The following TMEM134 variants were observed in gnomAD, a reference collection of about 807,000 sequenced individuals.
TMEM134 encodes transmembrane protein 134.
In TMEM134, 36 loss-of-function variants were observed where a neutral mutation model predicts 26.2. The observed-to-expected ratio is 1.37, with a 90% CI of 1.05 to 1.81. The LOEUF (loss-of-function observed/expected upper bound fraction) is 1.81, where lower values mean the gene tolerates loss of function less well. TMEM134 is among the 40% of genes most tolerant of loss of function. The pLI is 0.00. For missense variants in TMEM134, 339 were observed against 263.5 expected (o/e 1.29, Z -1.98); for synonymous variants, 133 against 113.6 (o/e 1.17, Z -1.08).
rs988436372 is a variant in TMEM134 at position 67,463,695 on chromosome 11, C to T, written c.*919G>A. The T allele has an allele frequency of 6.6e-6, 1 of 152,096 alleles. No homozygotes were observed. Among genetic ancestry groups the T allele is most frequent in the African/African-American group, 2.4e-5 (1 of 41,404 alleles). 9.4% of individuals were successfully genotyped at this position (152,096 alleles called of 1,614,324 possible). A position where few individuals can be genotyped will look rare whatever the true frequency, so the allele number is the denominator to read the frequency against. The stretch of plus-strand genomic sequence containing the variant: ...GCTTGAGCCACCGTGCCCGGCCATC[C>T]TGGGGTCTTTCAACAAATTGATAAC... On this transcript the variant is annotated 3_prime_UTR_variant, in exon 7 of 7. Transcript: ENST00000308022.
chr11:67,465,181 A>G (rs1319813964), intron 4 of TMEM134, 81 bp from the exon 5 acceptor site: 1 of 1,534,666 alleles, frequency 6.5e-7, no homozygotes, highest in African/African-American at 1.4e-5. Context: ...CGGCTCACCC[A>G]CCACCTGAGC....
Position 67,462,216 on chromosome 11 carries a change from C to A in TMEM134, c.*2398G>T, listed in dbSNP as rs577637265. 1 of 150,826 alleles carries A rather than the reference C, an allele frequency of 6.6e-6. No homozygotes were observed. 9.3% of individuals were successfully genotyped at this position (150,826 alleles called of 1,614,324 possible). A position where few individuals can be genotyped will look rare whatever the true frequency, so the allele number is the denominator to read the frequency against. On this transcript the variant is annotated 3_prime_UTR_variant, in exon 7 of 7. Coordinates refer to ENST00000308022, the MANE Select transcript of TMEM134 (RefSeq NM_025124.4). Reference sequence around the variant, plus strand: ...ACAAGGAGTAAAAAGTTGTTAGCTGCGATTCTGTGTTAATTGCCTGTTTGT... The same window carrying A: ...ACAAGGAGTAAAAAGTTGTTAGCTGAGATTCTGTGTTAATTGCCTGTTTGT...
rs754993164 is a variant in TMEM134, at chr11:67,467,522, C to T, written c.308G>A (p.Arg103His). The T allele has an allele frequency of 8.7e-6, 14 of 1,613,850 alleles. No homozygotes were observed. In the Admixed American group the frequency reaches 1.0e-4, roughly 12 times the overall value. The change falls in exon 3 of 7, where the codon CGC becomes CAC. Residue 103 changes from arginine (R) to histidine (H), a missense_variant. By Grantham distance (29) the Arg-to-His change is conservative. Transcript: ENST00000308022. The part of the protein sequence containing the change: ...SFSTISSSTQ[R>H]SYNTCCSWTQ... ...TCACCTGCAGCAGGTGTTGTAGGAG[C>T]GCTGGGTGCTGCTGCTGATGGTGCT...
rs1157565586 is a variant in TMEM134 at position 67,467,292 on chromosome 11, C to T, written c.406+20G>A. 1.2e-6 allele frequency: 2 copies of T among 1,613,072 alleles called. No individual in the cohort carries two copies. The highest frequency in any genetic ancestry group is 1.7e-6 in the Non-Finnish European group (2 of 1,179,696). On this transcript the variant is annotated intron_variant, in intron 4 of 6. Transcript: ENST00000308022. ...CCTCCCACGGGGCCCCTCTTGACCC[C>T]AACCCTCAGGGCCACTCACCCAGCC...
rs1335691011 is a variant in TMEM134 at position 67,465,118 on chromosome 11, C to A, written c.407-18G>T. 7 of 1,567,410 alleles carry A rather than the reference C, an allele frequency of 4.5e-6. No homozygotes were observed. The highest frequency in any genetic ancestry group is 6.0e-6 in the Non-Finnish European group (7 of 1,162,138). On this transcript the variant is annotated intron_variant, in intron 4 of 6. Transcript: ENST00000308022. ...GATCAGCACTGCACACAGACGGAGC[C>A]GCGGGGGTGGGGGCAGGAGCAGTGG...
rs765123099 is a variant in TMEM134, at chr11:67,462,554, CCT to C, written c.*2058_*2059del. On this transcript the variant is annotated 3_prime_UTR_variant, in exon 7 of 7. Coordinates refer to ENST00000308022, the MANE Select transcript of TMEM134 (RefSeq NM_025124.4). ...ATTTTTAATAGAAATGGGATTTCAC[CCT>C]GTTGGCCAGGCTGGTCTCGAACTCC... 9 of 151,888 alleles carry C rather than the reference CCT, an allele frequency of 5.9e-5. No homozygotes were observed. Among genetic ancestry groups the C allele is most frequent in the African/African-American group, 1.2e-4 (5 of 41,348 alleles). 9.4% of individuals were successfully genotyped at this position (151,888 alleles called of 1,614,324 possible).
chr11:67,469,206 T>G lies in TMEM134; in HGVS notation c.-14A>C. 1 of 1,269,596 alleles carries G rather than the reference T, an allele frequency of 7.9e-7. No homozygotes were observed. Among genetic ancestry groups the G allele is most frequent in the Non-Finnish European group, 1.0e-6 (1 of 1,003,804 alleles). 78.6% of individuals were successfully genotyped at this position (1,269,596 alleles called of 1,614,324 possible). On this transcript the variant is annotated 5_prime_UTR_variant, in exon 1 of 7. An upstream open reading frame in the 5' UTR loses its in-frame stop. Transcript: ENST00000308022. ...GGCGGCGCTCATGGCCCCGGCCCGC[T>G]CAGGCGCCGTGCGCCGCCGCCATCT...
chr11:67,469,092 C>T lies in TMEM134; in HGVS notation c.101G>A (p.Gly34Glu), dbSNP rs963672773. The part of the protein sequence containing the change: ...GPESSGVARF[G>E]PLHFERRARF... ...GGCCCGACGCTCGAAGTGCAGCGGCCCAAAGCGCGCGACCCCGCTGGACTC... is the reference window on the plus strand; with the variant it reads ...GGCCCGACGCTCGAAGTGCAGCGGCTCAAAGCGCGCGACCCCGCTGGACTC... Residue 34 changes from glycine to glutamate, a missense_variant, in exon 1 of 7, where the codon GGG becomes GAG. Transcript: ENST00000308022. The T allele has an allele frequency of 1.2e-5, 18 of 1,511,066 alleles. No homozygotes were observed. The highest frequency in any genetic ancestry group is 1.6e-5 in the Non-Finnish European group (18 of 1,129,778). 93.6% of individuals were successfully genotyped at this position (1,511,066 alleles called of 1,614,324 possible). A position where few individuals can be genotyped will look rare whatever the true frequency, so the allele number is the denominator to read the frequency against.
intron 1 of TMEM134, 171 bp from the exon 2 acceptor site, chr11:67,468,263 T>C (rs1263486588): frequency 2.4e-5 from 15 of 633,672 alleles, no homozygotes; most frequent in African/African-American, 1.5e-4. Flanking sequence ...AGAAACCAGG[T>C]AGGAGGTGGG....
chr11:67,465,134 G>T, intron 4 of TMEM134, 34 bp from the exon 5 acceptor site: 1 of 1,555,706 alleles, frequency 6.4e-7, no homozygotes. Flanking sequence ...GGTGGGGGCA[G>T]GAGCAGTGGT....
At chr11:67,467,244 G>C in intron 4 of TMEM134, 68 bp downstream of exon 4, 3 of 1,473,116 alleles carry the variant, frequency 2.0e-6, no homozygotes, top group South Asian at 2.3e-5. Context: ...GGGAGGCAGA[G>C]CCTGTACAAA....
At position 67,469,247 on chromosome 11, in the gene TMEM134, G is replaced by C. The variant is rs964797416; in HGVS notation, c.-55C>G. 2.4e-5 allele frequency: 29 copies of C among 1,224,746 alleles called. No individual in the cohort carries two copies. Among genetic ancestry groups the C allele is most frequent in the Non-Finnish European group, 2.9e-5 (28 of 979,076 alleles). 75.9% of individuals were successfully genotyped at this position (1,224,746 alleles called of 1,614,324 possible). On this transcript the variant is annotated 5_prime_UTR_variant, in exon 1 of 7. Transcript: ENST00000308022. The stretch of plus-strand genomic sequence containing the variant: ...GCCGCCATCTGCGCCCACACACCCA[G>C]CGTCGCCGCTGCCCCGCCCCCGCAT...
At chr11:67,467,095 C>T (rs1865302900) in intron 4 of TMEM134, 1 of 597,264 alleles carries the variant, frequency 1.7e-6, no homozygotes. Flanking sequence ...AGTGATAAGC[C>T]AGGTTCCATT....
intron 2 of TMEM134, 108 bp from the exon 3 acceptor site, chr11:67,467,698 C>T: frequency 8.6e-7 from 1 of 1,157,926 alleles, no homozygotes; most frequent in Non-Finnish European, 1.3e-6. Context: ...GGGCTGGCCC[C>T]TTGCAGGATA....
At position 67,463,167 on chromosome 11, in the gene TMEM134, G is replaced by C. The variant is rs894857429; in HGVS notation, c.*1447C>G. The C allele has an allele frequency of 6.6e-6, 1 of 152,294 alleles. No individual in the cohort carries two copies. Among genetic ancestry groups the C allele is most frequent in the East Asian group, 1.9e-4 (1 of 5,186 alleles). 9.4% of individuals were successfully genotyped at this position (152,294 alleles called of 1,614,324 possible). A position where few individuals can be genotyped will look rare whatever the true frequency, so the allele number is the denominator to read the frequency against. On this transcript the variant is annotated 3_prime_UTR_variant, in exon 7 of 7. Transcript: ENST00000308022. ...CTGCGGGGCCTGGAAAGGTGGGAGCGAGAGCAAGAGTCTGGGTGTCCATTC... is the reference window on the plus strand; with the variant it reads ...CTGCGGGGCCTGGAAAGGTGGGAGCCAGAGCAAGAGTCTGGGTGTCCATTC...
rs376431422 is a variant in TMEM134 at position 67,462,965 on chromosome 11, T to A, written c.*1649A>T. On this transcript the variant is annotated 3_prime_UTR_variant, in exon 7 of 7. Coordinates refer to ENST00000308022, the MANE Select transcript of TMEM134 (RefSeq NM_025124.4). Reference sequence around the variant, plus strand: ...ACCGTGGCCTCTCAAAGTGCTGGGATTACAGGCATGAGGCACGGCACCCGG... The same window carrying A: ...ACCGTGGCCTCTCAAAGTGCTGGGAATACAGGCATGAGGCACGGCACCCGG... 6.6e-6 allele frequency: 1 copy of A among 152,148 alleles called. No individual in the cohort carries two copies. The highest frequency in any genetic ancestry group is 1.5e-5 in the Non-Finnish European group (1 of 68,056). The allele number at this position is 152,148 out of a possible 1,614,324, so 9.4% of individuals were successfully genotyped here. A position where few individuals can be genotyped will look rare whatever the true frequency, so the allele number is the denominator to read the frequency against.
Position 67,464,652 on chromosome 11 carries a change from C to G in TMEM134, c.550G>C (p.Gly184Arg). ...FIYCAVKGHR[G>R]FQFFYLPYFE... ...TAGGGCAGGTAGAAGAACTGGAAGC[C>G]CCGGTGGCCCTTGACCGCGCAGTAG... Residue 184 changes from glycine (G) to arginine (R), a missense_variant, in exon 7 of 7, where the codon GGC (glycine) becomes CGC (arginine). Gly to Arg is a moderately radical substitution (Grantham distance 125). Transcript: ENST00000308022. The G allele has an allele frequency of 6.4e-7, 1 of 1,553,842 alleles. No homozygotes were observed. The highest frequency in any genetic ancestry group is 1.4e-5 in the African/African-American group (1 of 73,324).
chr11:67,467,736 A>C, intron 2 of TMEM134, 146 bp from the exon 3 acceptor site: 1 of 776,102 alleles, frequency 1.3e-6, no homozygotes, highest in Non-Finnish European at 2.1e-6. Flanking sequence ...TCGGTGGGTG[A>C]GCATGAATTC....
At position 67,462,260 on chromosome 11, in the gene TMEM134, G is replaced by A. The variant is rs1244398358; in HGVS notation, c.*2354C>T. 1 of 149,540 alleles carries A rather than the reference G, an allele frequency of 6.7e-6. No homozygotes were observed. Among genetic ancestry groups the A allele is most frequent in the Admixed American group, 6.7e-5 (1 of 15,036 alleles). 9.3% of individuals were successfully genotyped at this position (149,540 alleles called of 1,614,324 possible). On this transcript the variant is annotated 3_prime_UTR_variant, in exon 7 of 7. Transcript: ENST00000308022. ...TGTTTGTTCATATTCAATGGTTTTTGTCATTTTTCCTTTTTCCTATGTTTG... is the reference window on the plus strand; with the variant it reads ...TGTTTGTTCATATTCAATGGTTTTTATCATTTTTCCTTTTTCCTATGTTTG...
Sources: allele counts gnomAD v4.1 joint callset, GRCh38; gene constraint gnomAD v4.1.1; transcripts MANE v1.5; gene names NCBI Gene and HGNC (gene_info 2026-07-23, HGNC 2026-07-21).